Variants in GALNT10 observed in about 807,000 individuals in gnomAD.
The protein encoded by GALNT10 is GalNAc transferase 10.
A neutral mutation model predicts 75.0 loss-of-function variants in GALNT10; 41 were observed. The ratio of observed to expected loss-of-function variants is 0.55; its 90% CI spans 0.43 to 0.71. GALNT10 has a LOEUF of 0.71. Ranked by LOEUF, GALNT10 falls within the 30% of genes least tolerant of loss-of-function variation. The pLI, the probability that GALNT10 is intolerant of heterozygous loss-of-function variation, is 0.00. For missense variants in GALNT10, 727 were observed against 818.5 expected (o/e 0.89, Z 1.36); for synonymous variants, 302 against 313.0 (o/e 0.96, Z 0.37).
In GALNT10 at chr5:154,413,015, G is replaced by T; in HGVS notation, c.1503+10G>T. On this transcript the variant is annotated intron_variant, in intron 10 of 11. Transcript: ENST00000297107. ...CTGGAACAACATGCAGGTAAGGGCCGCCCCTCAGGGACTGGCAGCCAGGTT... is the reference window on the plus strand; with the variant it reads ...CTGGAACAACATGCAGGTAAGGGCCTCCCCTCAGGGACTGGCAGCCAGGTT... 1 of 1,537,384 alleles carries T rather than the reference G, an allele frequency of 6.5e-7. No individual in the cohort carries two copies. The highest frequency in any genetic ancestry group is 9.0e-7 in the Non-Finnish European group (1 of 1,112,956).
chr5:154,253,706 CTTTTTTTTTTTTT>C (rs33933907), intron 1 of GALNT10, among the ~76,000 whole-genome samples: 1 of 72,672 alleles, frequency 1.4e-5, no homozygotes, highest in Admixed American at 1.4e-4. Flanking sequence ...AAAGCCTCCT[CTTTTTTTTTTTTT>C]TTTTTTTTTT....
At chr5:154,322,856 A>G (rs1754695892) in intron 3 of GALNT10, among the ~76,000 whole-genome samples, 1 of 152,234 alleles carries the variant, frequency 6.6e-6, no homozygotes, top group Admixed American at 6.5e-5. Flanking sequence ...AAATCAAGAG[A>G]TACGGAGACA....
chr5:154,220,437 AG>A (rs1394469461), intron 1 of GALNT10: 11 of 152,234 alleles, frequency 7.2e-5, no homozygotes, highest in African/African-American at 2.7e-4. Flanking sequence ...CAGGACACCA[AG>A]GGATCAGGAA....
At chr5:154,309,885 G>A (rs1306596122) in intron 3 of GALNT10, among the ~76,000 whole-genome samples, 1 of 152,168 alleles carries the variant, frequency 6.6e-6, no homozygotes, top group African/African-American at 2.4e-5. Context: ...TTTTTTCTGA[G>A]TTGCTGTGTT....
At chr5:154,277,761 A>C (rs184011673) in intron 1 of GALNT10, among the ~76,000 whole-genome samples, 1 of 152,272 alleles carries the variant, frequency 6.6e-6, no homozygotes, top group East Asian at 1.9e-4. Flanking sequence ...ATTTCAGGGC[A>C]ACTTTATTAC....
chr5:154,337,023 T>C (rs1225113475), intron 4 of GALNT10, among the ~76,000 whole-genome samples: 1 of 152,232 alleles, frequency 6.6e-6, no homozygotes, highest in East Asian at 1.9e-4. Context: ...GAGCTTTGAT[T>C]TAAAACCATC....
At chr5:154,347,016 C>T in intron 4 of GALNT10, 2 of 337,508 alleles carry the variant, frequency 5.9e-6, no homozygotes, top group South Asian at 4.8e-5. Flanking sequence ...TTCTTTCATC[C>T]TCCTTTCTAG....
chr5:154,343,809 A>AT (rs34816570), intron 4 of GALNT10, among the ~76,000 whole-genome samples: 1 of 152,056 alleles, frequency 6.6e-6, no homozygotes, highest in Non-Finnish European at 1.5e-5. Context: ...ACCCATGAAC[A>AT]TTTTTGCCCT....
chr5:154,303,824 G>T (rs950762274), intron 3 of GALNT10, among the ~76,000 whole-genome samples: 2 of 152,096 alleles, frequency 1.3e-5, no homozygotes, highest in Non-Finnish European at 2.9e-5. Flanking sequence ...AGATTATCAG[G>T]TATGCAAAAA....
At chr5:154,252,341 C>A (rs993489136) in intron 1 of GALNT10, among the ~76,000 whole-genome samples, 5 of 152,112 alleles carry the variant, frequency 3.3e-5, no homozygotes, top group Non-Finnish European at 7.4e-5. Context: ...TGAAGCTCTA[C>A]CTCTAGTAGA....
intron 4 of GALNT10, among the ~76,000 whole-genome samples, chr5:154,332,479 C>T (rs1469903960): frequency 6.6e-6 from 1 of 152,156 alleles, no homozygotes; most frequent in Non-Finnish European, 1.5e-5. Flanking sequence ...ATGGCTGGCT[C>T]GCCTCATCCC....
chr5:154,313,685 C>T (rs918191029), intron 3 of GALNT10, among the ~76,000 whole-genome samples: 2 of 152,142 alleles, frequency 1.3e-5, no homozygotes, highest in Non-Finnish European at 2.9e-5. Context: ...CCTTTTATTC[C>T]AGTCAGACTG....
chr5:154,228,874 C>G (rs1028383204), intron 1 of GALNT10, among the ~76,000 whole-genome samples: 1 of 152,222 alleles, frequency 6.6e-6, no homozygotes, highest in South Asian at 2.1e-4. Context: ...TCTGGGTTCT[C>G]ATTTTCATTT....
chr5:154,268,279 C>G (rs1184699635), intron 1 of GALNT10, among the ~76,000 whole-genome samples: 1 of 152,172 alleles, frequency 6.6e-6, no homozygotes, highest in African/African-American at 2.4e-5. Flanking sequence ...CACTGAAGTT[C>G]ACTGAATACC....
intron 4 of GALNT10, among the ~76,000 whole-genome samples, chr5:154,341,807 C>T (rs2113131696): frequency 6.6e-6 from 1 of 152,262 alleles, no homozygotes; most frequent in African/African-American, 2.4e-5. Context: ...GACACAAACC[C>T]CTGTGTCCTT....
chr5:154,377,264 A>G (rs529696771), intron 5 of GALNT10, among the ~76,000 whole-genome samples: 1 of 152,274 alleles, frequency 6.6e-6, no homozygotes, highest in East Asian at 1.9e-4. Context: ...AGAGGCAGAC[A>G]TGGAAGAGGA....
At chr5:154,254,218 C>A (rs1471944822) in intron 1 of GALNT10, among the ~76,000 whole-genome samples, 1 of 152,138 alleles carries the variant, frequency 6.6e-6, no homozygotes, top group African/African-American at 2.4e-5. Context: ...GCCTTGTTAG[C>A]AAATTTGGTT....
At chr5:154,310,957 T>C (rs192873276) in intron 3 of GALNT10, among the ~76,000 whole-genome samples, 1 of 152,338 alleles carries the variant, frequency 6.6e-6, no homozygotes, top group East Asian at 1.9e-4. Context: ...CATTGACTTC[T>C]TTTCTCTAAT....
intron 4 of GALNT10, among the ~76,000 whole-genome samples, chr5:154,368,012 A>G (rs1755503928): frequency 3.3e-5 from 5 of 152,136 alleles, no homozygotes; most frequent in Admixed American, 3.3e-4. Flanking sequence ...TTCTAAACTC[A>G]CCTTCGGCAT....
Sources: allele counts gnomAD v4.1 joint callset (sites outside exome capture counted in the v4.1 genomes callset), GRCh38; gene constraint gnomAD v4.1.1; transcripts MANE v1.5; gene names NCBI Gene and HGNC (gene_info 2026-07-23, HGNC 2026-07-21).